Variants in DIPK1A observed in about 807,000 individuals in gnomAD.
DIPK1A encodes family with sequence similarity 69 member A.
Under a neutral mutation model 40.8 loss-of-function variants are expected in DIPK1A, and 27 were observed. The ratio of observed to expected loss-of-function variants is 0.66; its 90% confidence interval spans 0.49 to 0.91. DIPK1A has a LOEUF of 0.91. Ranked by LOEUF, DIPK1A falls within the 40% of genes least tolerant of loss-of-function variation. DIPK1A has a pLI of 0.00. For synonymous variants in DIPK1A, 166 were observed against 171.3 expected (o/e 0.97, Z 0.24); for missense variants, 412 against 505.7 (o/e 0.81, Z 1.78).
rs1215872460 is a variant in DIPK1A at position 92,836,224 on chromosome 1, A to G, written c.475-3190T>C. The G allele has an allele frequency of 1.9e-6, 3 of 1,612,968 alleles. No homozygotes were observed. In the African/African-American group the frequency reaches 4.0e-5, roughly 22 times the overall value. ...AGGTTTGGCATGGACAAGATCTATG[A>G]AGGCCAAGTGGAGGTGACTGGTGAT... On this transcript the variant is annotated intron_variant, in intron 4 of 4. Transcript: ENST00000615519.
chr1:92,921,097 T>G (rs1650252536), intron 1 of DIPK1A, among the ~76,000 whole-genome samples: 2 of 152,134 alleles, frequency 1.3e-5, no homozygotes, highest in Non-Finnish European at 2.9e-5. Context: ...GGAAGCCGGT[T>G]TCCACAGTTA....
At chr1:92,859,509 A>G (rs564849759) in intron 2 of DIPK1A, among the ~76,000 whole-genome samples, 3 of 152,210 alleles carry the variant, frequency 2.0e-5, no homozygotes, top group South Asian at 2.1e-4. Context: ...AGTTTAATAT[A>G]TGTGTGTAAG....
intron 3 of DIPK1A, among the ~76,000 whole-genome samples, chr1:92,850,089 G>A (rs1244128891): frequency 6.6e-6 from 1 of 152,002 alleles, no homozygotes; most frequent in East Asian, 1.9e-4. Context: ...TCCCACTTCA[G>A]CCTCCTGAGT....
chr1:92,945,680 T>C (rs1489494460), intron 1 of DIPK1A, among the ~76,000 whole-genome samples: 2 of 152,158 alleles, frequency 1.3e-5, no homozygotes, highest in Non-Finnish European at 2.9e-5. Context: ...CAGAATCAAA[T>C]GATACCTAGT....
At chr1:92,883,707 A>G (rs1648481808) in intron 1 of DIPK1A, among the ~76,000 whole-genome samples, 1 of 152,178 alleles carries the variant, frequency 6.6e-6, no homozygotes, top group Admixed American at 6.5e-5. Flanking sequence ...CTTTGCTCAG[A>G]GTGAGTGTTC....
intron 1 of DIPK1A, among the ~76,000 whole-genome samples, chr1:92,897,455 A>C (rs1187567545): frequency 1.3e-5 from 2 of 151,894 alleles, no homozygotes; most frequent in African/African-American, 2.4e-5. Context: ...GAATTGAACA[A>C]TGAGAACACA....
intron 1 of DIPK1A, among the ~76,000 whole-genome samples, chr1:92,945,451 C>G (rs1446146274): frequency 6.6e-6 from 1 of 152,016 alleles, no homozygotes. Context: ...GGGTCATTAC[C>G]CTGGCCCCAG....
intron 4 of DIPK1A, chr1:92,846,566 CTG>C (rs1557449454): frequency 2.3e-6 from 1 of 435,626 alleles, no homozygotes; most frequent in Non-Finnish European, 4.6e-6. Context: ...CTCCTCATAT[CTG>C]GACATTTTTA....
Position 92,842,422 on chromosome 1 carries a change from G to A in DIPK1A, c.*961C>T. On this transcript the variant is annotated 3_prime_UTR_variant, in exon 5 of 5. Coordinates refer to ENST00000370310, the MANE Select transcript of DIPK1A (RefSeq NM_001006605.5). ...ACATGCCAAATCTGAGTATACGTGTGAAAATAATATGAAAGAGGAGCAAAT... is the reference window on the plus strand; with the variant it reads ...ACATGCCAAATCTGAGTATACGTGTAAAAATAATATGAAAGAGGAGCAAAT... 1.0e-6 allele frequency: 1 copy of A among 980,370 alleles called. No homozygotes were observed. The highest frequency in any genetic ancestry group is 4.7e-5 in the South Asian group (1 of 21,180). The allele number at this position is 980,370 out of a possible 1,614,324, so 60.7% of individuals were successfully genotyped here.
At chr1:92,949,305 G>A (rs1008509390) in intron 1 of DIPK1A, among the ~76,000 whole-genome samples, 6 of 149,620 alleles carry the variant, frequency 4.0e-5, no homozygotes, top group African/African-American at 7.4e-5. Context: ...ACAGAGTTTC[G>A]CTCTTGTTGC....
At chr1:92,842,076 T>C, downstream of DIPK1A, 1 of 812,248 alleles carries the variant, frequency 1.2e-6, no homozygotes, top group Non-Finnish European at 1.7e-6. Context: ...GGCTTCTGTT[T>C]TACCTGACAG....
rs1249674824 is a variant in DIPK1A at position 92,891,605 on chromosome 1, T to C, written c.55-15175A>G. Among the ~76,000 whole-genome samples, 5 of 152,318 alleles carry C rather than the reference T, an allele frequency of 3.3e-5. No homozygotes were observed. The East Asian group carries it at 9.6e-4, about 29-fold the overall frequency. ...AGCGATGCAGAACACAGGTGATTTC[T>C]GCATTTCCAACTGAGGTACTGGGTT... On this transcript the variant is annotated intron_variant, in intron 1 of 4. Coordinates refer to ENST00000370310, the MANE Select transcript of DIPK1A (RefSeq NM_001006605.5).
intron 1 of DIPK1A, among the ~76,000 whole-genome samples, chr1:92,915,995 G>A (rs933109879): frequency 2.6e-5 from 4 of 152,068 alleles, no homozygotes; most frequent in African/African-American, 9.7e-5. Context: ...ATTTTGCTAA[G>A]TACAAGAAGA....
chr1:92,961,132 C>T (rs1462122775), intron 1 of DIPK1A, among the ~76,000 whole-genome samples: 1 of 151,766 alleles, frequency 6.6e-6, no homozygotes, highest in Non-Finnish European at 1.5e-5. Flanking sequence ...GGCGGGACGA[C>T]TCGGGCCCTG....
chr1:92,854,160 T>C (rs1687912341), intron 2 of DIPK1A, among the ~76,000 whole-genome samples: 1 of 152,234 alleles, frequency 6.6e-6, no homozygotes, highest in Non-Finnish European at 1.5e-5. Flanking sequence ...CTGCTAGATC[T>C]ACAGGCATGA....
intron 1 of DIPK1A, among the ~76,000 whole-genome samples, chr1:92,905,277 TAC>T (rs1221032942): frequency 6.6e-6 from 1 of 152,146 alleles, no homozygotes; most frequent in Non-Finnish European, 1.5e-5. Context: ...ATCAAAAACA[TAC>T]AAGGGTTCCT....
intron 2 of DIPK1A, among the ~76,000 whole-genome samples, chr1:92,875,534 T>C (rs187533526): frequency 8.6e-5 from 13 of 151,972 alleles, no homozygotes; most frequent in South Asian, 8.3e-4. Context: ...CTGGGCAACA[T>C]GGTGAAACCC....
chr1:92,860,886 A>G (rs1345679989), intron 2 of DIPK1A, among the ~76,000 whole-genome samples: 1 of 152,186 alleles, frequency 6.6e-6, no homozygotes, highest in African/African-American at 2.4e-5. Flanking sequence ...TTTATTGCAA[A>G]TAAAATGTTT....
chr1:92,925,539 G>T (rs797008872), intron 1 of DIPK1A, among the ~76,000 whole-genome samples: 1 of 152,080 alleles, frequency 6.6e-6, no homozygotes, highest in Non-Finnish European at 1.5e-5. Context: ...TGCAACCCAG[G>T]ATGGAGTGCA....
Sources: allele counts gnomAD v4.1 joint callset (sites outside exome capture counted in the v4.1 genomes callset), GRCh38; gene constraint gnomAD v4.1.1; transcripts MANE v1.5; gene names NCBI Gene and HGNC (gene_info 2026-07-23, HGNC 2026-07-21).